The following MIDEAS variants were observed in gnomAD, a reference collection of about 807,000 sequenced individuals.
The protein encoded by MIDEAS is mitotic deacetylase-associated SANT domain protein.
A neutral mutation model predicts 102.7 loss-of-function variants in MIDEAS; 26 were observed. The ratio of observed to expected loss-of-function variants is 0.25; its 90% CI spans 0.19 to 0.35. The LOEUF is 0.35. MIDEAS is among the 10% of genes least tolerant of loss of function. MIDEAS has a pLI of 1.00. For missense variants in MIDEAS, 1,231 were observed against 1,435.6 expected, an observed-to-expected ratio of 0.86 and a Z score of 2.30; for synonymous variants, 585 against 591.0, an observed-to-expected ratio of 0.99 and a Z score of 0.15.
In MIDEAS at chr14:73,739,643, C is replaced by G. The variant is rs377059389; in HGVS notation, c.366G>C (p.Gln122His). 1.9e-6 allele frequency: 3 copies of G among 1,613,794 alleles called. No homozygotes were observed. Among genetic ancestry groups the G allele is most frequent in the Non-Finnish European group, 2.5e-6 (3 of 1,179,942 alleles). Residue 122 changes from glutamine to histidine, a missense_variant, in exon 2 of 13, where the codon CAG (glutamine) becomes CAC (histidine). Physicochemically the swap from Gln to His is conservative, Grantham distance 24 (BLOSUM62 0). This residue lies in a region of MIDEAS where 758 missense variants were observed against 856.0 expected (regional missense o/e 0.89). Transcript: ENST00000423556. ...GGGGVSDSSW[Q>H]QQPGQPPPHS... ...GGGGTGGAGGCTGGCCTGGCTGCTGCTGCCAGCTGCTGTCACTGACACCCC... is the reference window on the plus strand; with the variant it reads ...GGGGTGGAGGCTGGCCTGGCTGCTGGTGCCAGCTGCTGTCACTGACACCCC...
Position 73,738,694 on chromosome 14 carries a change from T to G in MIDEAS, c.1315A>C (p.Thr439Pro). The G allele has an allele frequency of 6.2e-7, 1 of 1,613,828 alleles. No individual in the cohort carries two copies. The highest frequency in any genetic ancestry group is 8.5e-7 in the Non-Finnish European group (1 of 1,179,922). ...GSEEGMRAVSTGDCGQVLRGG... is the reference protein window; with the variant it reads ...GSEEGMRAVSPGDCGQVLRGG... ...CGTAGCACCTGCCCACAGTCCCCTGTGCTCACTGCCCTCATGCCCTCCTCG... is the reference window on the plus strand; with the variant it reads ...CGTAGCACCTGCCCACAGTCCCCTGGGCTCACTGCCCTCATGCCCTCCTCG... The change falls in exon 2 of 13, where the codon ACA (threonine) becomes CCA (proline). Residue 439 changes from threonine (T) to proline (P), a missense_variant. Coordinates refer to ENST00000423556, the MANE Select transcript of MIDEAS (RefSeq NM_001367710.1).
chr14:73,718,896 C>T lies in MIDEAS; in HGVS notation c.3247G>A (p.Ala1083Thr), dbSNP rs1295701102. The change falls in exon 13 of 13, where the codon GCC (alanine) becomes ACC (threonine). Residue 1083 changes from alanine to threonine, a missense_variant. Physicochemically the swap from Ala to Thr is moderately conservative, Grantham distance 58. Coordinates refer to ENST00000423556, the MANE Select transcript of MIDEAS (RefSeq NM_001367710.1). Reference sequence around the variant, plus strand: ...TCCCGCAGGGCCTGCTGGTGGGCGGCGGCGGCGGCAGCAGCGGCCTCTTTC... The same window carrying T: ...TCCCGCAGGGCCTGCTGGTGGGCGGTGGCGGCGGCAGCAGCGGCCTCTTTC... ...KEKEAAAAAA[A>T]AHQQALREES... The T allele has an allele frequency of 1.3e-6, 2 of 1,519,124 alleles. No individual in the cohort carries two copies. Among genetic ancestry groups the T allele is most frequent in the South Asian group, 1.2e-5 (1 of 82,108 alleles). The allele number at this position is 1,519,124 out of a possible 1,614,324, so 94.1% of individuals were successfully genotyped here.
At position 73,739,603 on chromosome 14, in the gene MIDEAS, A is replaced by C. The variant is rs1458888537; in HGVS notation, c.406T>G (p.Cys136Gly). The change falls in exon 2 of 13, where the codon TGC becomes GGC. Residue 136 changes from cysteine (C) to glycine (G), a missense_variant. By Grantham distance (159) the Cys-to-Gly change is radical. Coordinates refer to ENST00000423556, the MANE Select transcript of MIDEAS (RefSeq NM_001367710.1). ...GCACTGTAGAGGGACAGACTGTGGC[A>C]GTTCCATGTTGAATGGGGTGGAGGC... ...GQPPPHSTWN[C>G]HSLSLYSATK... 1.2e-6 allele frequency: 2 copies of C among 1,614,020 alleles called. No individual in the cohort carries two copies. Among genetic ancestry groups the C allele is most frequent in the Admixed American group, 3.3e-5 (2 of 60,012 alleles).
At chr14:73,748,768 CAAA>C (rs55972902) in intron 1 of MIDEAS, among the ~76,000 whole-genome samples, 40,021 of 124,564 alleles carry the variant, frequency 0.32, 5,974 homozygotes, top group Non-Finnish European at 0.41. Context: ...GACTCCGTCT[CAAA>C]AAAAAAAAAA....
chr14:73,769,428 A>G lies in MIDEAS; in HGVS notation c.-248+17674T>C, dbSNP rs77190587. 4.1e-4 allele frequency among the ~76,000 whole-genome samples: 62 copies of G among 152,364 alleles called. 2 individuals are homozygous for G. The East Asian group carries it at 0.012, about 29-fold the overall frequency. ...AGCAATTTAGGAAATGCAAATTGGA[A>G]TATCATTAAGGCCCCATTATGGCCC... On this transcript the variant is annotated intron_variant, in intron 1 of 11. Coordinates refer to the MIDEAS transcript ENST00000394071.
At chr14:73,768,961 C>CCACG (rs1305985032) in intron 1 of MIDEAS, among the ~76,000 whole-genome samples, 2 of 152,180 alleles carry the variant, frequency 1.3e-5, no homozygotes, top group African/African-American at 4.8e-5. Context: ...CATTCCCAGG[C>CCACG]CACGAGTCAC....
intron 1 of MIDEAS, among the ~76,000 whole-genome samples, chr14:73,772,794 A>AGTGTGTGTGTGTGTGTGT (rs61402555): frequency 1.8e-4 from 24 of 135,720 alleles, no homozygotes; most frequent in African/African-American, 5.1e-4. Flanking sequence ...TTCAAGTTCT[A>AGTGTGTGTGTGTGTGTGT]GTGTGTGTGT....
chr14:73,779,569 TATTA>T (rs1389158050), intron 1 of MIDEAS, among the ~76,000 whole-genome samples: 6 of 47,774 alleles, frequency 1.3e-4, no homozygotes, highest in Non-Finnish European at 1.7e-4. Flanking sequence ...TTATTATTAT[TATTA>T]TTTTTTTTTT....
Position 73,738,902 on chromosome 14 carries a change from C to A in MIDEAS, c.1107G>T (p.Gln369His). 6.5e-7 allele frequency: 1 copy of A among 1,537,598 alleles called. No individual in the cohort carries two copies. Among genetic ancestry groups the A allele is most frequent in the Non-Finnish European group, 8.7e-7 (1 of 1,143,662 alleles). Reference sequence around the variant, plus strand: ...GTAGGAACAGGTTGCCAGTGGCCTCCTGCCCAGGCTGGGTGCCAGCCCCAT... The same window carrying A: ...GTAGGAACAGGTTGCCAGTGGCCTCATGCCCAGGCTGGGTGCCAGCCCCAT... Reference protein sequence around the residue: ...ALDGAGTQPGQEATGNLFLHH... With the variant: ...ALDGAGTQPGHEATGNLFLHH... The change falls in exon 2 of 13, where the codon CAG (glutamine) becomes CAT (histidine). Residue 369 changes from glutamine to histidine, a missense_variant. Around this residue, in one of 5 missense-constraint regions of MIDEAS, gnomAD observed 758 missense variants for 856.0 expected, o/e 0.89. Transcript: ENST00000423556.
intron 9 of MIDEAS, 87 bp from the exon 10 acceptor site, chr14:73,722,934 T>C: frequency 4.0e-6 from 6 of 1,489,194 alleles, no homozygotes; most frequent in Non-Finnish European, 5.5e-6. Flanking sequence ...CCCTGCATCT[T>C]TCCCTTAACT....
rs964388463 is a variant in MIDEAS, at chr14:73,721,238, C to A, written c.2937+59G>T. 3.2e-6 allele frequency: 5 copies of A among 1,542,546 alleles called. No individual in the cohort carries two copies. The Admixed American group carries it at 8.4e-5, about 26-fold the overall frequency. On this transcript the variant is annotated intron_variant, in intron 11 of 12. Transcript: ENST00000423556. The stretch of plus-strand genomic sequence containing the variant: ...GTCCTGCTCTACCCTCCCTCCCACG[C>A]CCCCAGGCCCAGCTCCACCCTGCTT...
Position 73,725,992 on chromosome 14 carries a change from CTT to C in MIDEAS, c.2485+39_2485+40del. Reference sequence around the variant, plus strand: ...AGGGCCCCATGGATGCTGGAGACCTCTTGAGGCTCCAGGCACCATGCCCACCG... The same window carrying C: ...AGGGCCCCATGGATGCTGGAGACCTCGAGGCTCCAGGCACCATGCCCACCG... On this transcript the variant is annotated intron_variant, in intron 8 of 12. Coordinates refer to ENST00000423556, the MANE Select transcript of MIDEAS (RefSeq NM_001367710.1). The surrounding 1 kb of genome is among the most constrained non-coding windows in gnomAD (Gnocchi z 4.1). The C allele has an allele frequency of 1.3e-6, 2 of 1,533,704 alleles. No homozygotes were observed. The highest frequency in any genetic ancestry group is 1.8e-6 in the Non-Finnish European group (2 of 1,127,024).
chr14:73,736,980 A>T lies in MIDEAS; in HGVS notation c.1749+18T>A, dbSNP rs200624158. ...GCACTCACGCGCTGGAGGTGTTTAGAAGGGGCGCCTCTCATACCTGAGCTT... is the reference window on the plus strand; with the variant it reads ...GCACTCACGCGCTGGAGGTGTTTAGTAGGGGCGCCTCTCATACCTGAGCTT... On this transcript the variant is annotated intron_variant, in intron 3 of 12. Coordinates refer to ENST00000423556, the MANE Select transcript of MIDEAS (RefSeq NM_001367710.1). 1.5e-5 allele frequency: 24 copies of T among 1,604,730 alleles called. No individual in the cohort carries two copies. The African/African-American group carries it at 2.8e-4, about 19-fold the overall frequency.
chr14:73,724,892 T>G (rs773919441), intron 9 of MIDEAS: 3 of 207,864 alleles, frequency 1.4e-5, no homozygotes, highest in Non-Finnish European at 1.0e-5. Flanking sequence ...CCGCAGGCAC[T>G]TGCTGGCTCT....
At chr14:73,726,251 G>T in intron 7 of MIDEAS, 143 bp from the exon 8 acceptor site, 1 of 738,876 alleles carries the variant, frequency 1.4e-6, no homozygotes, top group Non-Finnish European at 2.3e-6. Flanking sequence ...GGTCCACTGG[G>T]GTGGTGAGAT....
At chr14:73,784,414 C>T (rs2053787376) in intron 1 of MIDEAS, among the ~76,000 whole-genome samples, 1 of 152,244 alleles carries the variant, frequency 6.6e-6, no homozygotes, top group Non-Finnish European at 1.5e-5. Context: ...AGGTGAGGGG[C>T]CTGCATGTGG....
At chr14:73,754,447 T>C (rs912873830) in intron 1 of MIDEAS, among the ~76,000 whole-genome samples, 1 of 152,204 alleles carries the variant, frequency 6.6e-6, no homozygotes, top group Admixed American at 6.5e-5. Context: ...CAGTATTCCT[T>C]TGGATTCTTC....
chr14:73,741,714 G>C (rs1331518251), intron 1 of MIDEAS, among the ~76,000 whole-genome samples: 2 of 152,156 alleles, frequency 1.3e-5, no homozygotes, highest in Non-Finnish European at 2.9e-5. Flanking sequence ...GCCCGCCTGC[G>C]TGACTCACTG....
rs1375644377 is a variant in MIDEAS, at chr14:73,725,991, T to TCA, written c.2485+41_2485+42insTG. On this transcript the variant is annotated intron_variant, in intron 8 of 12. Coordinates refer to ENST00000423556, the MANE Select transcript of MIDEAS (RefSeq NM_001367710.1). This position sits in a 1 kb window ranked among gnomAD's most constrained non-coding sequence, Gnocchi z 4.1. ...CAGGGCCCCATGGATGCTGGAGACC[T>TCA]CTTGAGGCTCCAGGCACCATGCCCA... 1.4e-5 allele frequency: 21 copies of TCA among 1,523,826 alleles called. No homozygotes were observed. In the East Asian group the frequency reaches 5.0e-4, roughly 36 times the overall value. The allele number at this position is 1,523,826 out of a possible 1,614,324, so 94.4% of individuals were successfully genotyped here.
Sources: gnomAD v4.1 joint callset for allele counts (sites outside exome capture counted in the v4.1 genomes callset) on GRCh38, gnomAD v4.1.1 for gene constraint, gnomAD v4.1.1 regional missense constraint, Gnocchi (gnomAD v3.1) non-coding constraint, MANE v1.5 for transcripts, NCBI Gene and HGNC (gene_info 2026-07-23, HGNC 2026-07-21) for gene names.